Variants in ARL6IP6 observed in about 807,000 individuals in gnomAD.
ARL6IP6 encodes the protein ADP-ribosylation factor-like protein 6-interacting protein 6.
In ARL6IP6, 22 loss-of-function variants were observed where a neutral mutation model predicts 21.5. The observed-to-expected ratio is 1.02, with a 90% CI of 0.73 to 1.46. The LOEUF is 1.46. ARL6IP6 is among the 40% of genes most tolerant of loss of function. The pLI is 0.00. For missense variants in ARL6IP6, 388 were observed against 299.8 expected (o/e 1.29, Z -2.17); for synonymous variants, 164 against 125.3 (o/e 1.31, Z -2.06).
chr2:152,720,712 A>T (rs1352625689), intron 2 of ARL6IP6, 126 bp downstream of exon 2: 1 of 831,568 alleles, frequency 1.2e-6, no homozygotes, highest in African/African-American at 1.7e-5. Context: ...TCTTGTTTTT[A>T]ATTTGCATAT....
upstream of ARL6IP6, chr2:152,717,808 C>T (rs1198750981): frequency 8.7e-6 from 10 of 1,150,690 alleles, no homozygotes; most frequent in Non-Finnish European, 1.1e-5. Context: ...CCTCCCCGCC[C>T]GAGTTACGTA....
At position 152,734,994 on chromosome 2, in the gene ARL6IP6, G is replaced by C; in HGVS notation, c.455G>C (p.Gly152Ala). The change falls in exon 3 of 4, where the codon GGA becomes GCA. Residue 152 changes from glycine (G) to alanine (A), a missense_variant and splice_region_variant. Transcript: ENST00000326446. Reference sequence around the variant, plus strand: ...TTTTCCCCTCTCTTTTCCTGTTAAGGATTCTGGACTCTACTTATAATATCC... The same window carrying C: ...TTTTCCCCTCTCTTTTCCTGTTAAGCATTCTGGACTCTACTTATAATATCC... The part of the protein sequence containing the change: ...NEDDVDTGLL[G>A]FWTLLIISLT... 6.2e-7 allele frequency: 1 copy of C among 1,611,908 alleles called. No individual in the cohort carries two copies. Among genetic ancestry groups the C allele is most frequent in the East Asian group, 2.2e-5 (1 of 44,806 alleles).
chr2:152,747,666 G>T (rs954822832), intron 3 of ARL6IP6, among the ~76,000 whole-genome samples: 1 of 151,328 alleles, frequency 6.6e-6, no homozygotes, highest in Non-Finnish European at 1.5e-5. Context: ...ACCTCCACCC[G>T]CTGGGTTCAA....
chr2:152,721,286 A>G (rs1025413115), intron 2 of ARL6IP6, among the ~76,000 whole-genome samples: 3 of 152,180 alleles, frequency 2.0e-5, no homozygotes, highest in African/African-American at 7.2e-5. Flanking sequence ...CTATCCTAGC[A>G]AAGGTAAATA....
intron 3 of ARL6IP6, among the ~76,000 whole-genome samples, chr2:152,751,707 A>C (rs1424135318): frequency 1.3e-5 from 2 of 149,314 alleles, no homozygotes; most frequent in East Asian, 3.9e-4. Flanking sequence ...ACAGTATTTC[A>C]TTTTTTTTTA....
chr2:152,747,488 C>G (rs1383947703), intron 3 of ARL6IP6, among the ~76,000 whole-genome samples: 2 of 152,160 alleles, frequency 1.3e-5, no homozygotes, highest in African/African-American at 4.8e-5. Flanking sequence ...TCCAGTAATA[C>G]TGCCTGCAAA....
chr2:152,728,410 T>C (rs1700144626), intron 2 of ARL6IP6, among the ~76,000 whole-genome samples: 1 of 152,204 alleles, frequency 6.6e-6, no homozygotes, highest in Non-Finnish European at 1.5e-5. Context: ...ATTCTGATTA[T>C]ATATAATATG....
rs891877672 is a variant in ARL6IP6 at position 152,760,946 on chromosome 2, T to G, written c.*1106T>G. ...TTTTGTTTTCTAAGTAATTAAGCCT[T>G]AATTTTTCCCCTATGTTACTAAAGA... On this transcript the variant is annotated 3_prime_UTR_variant, in exon 4 of 4. Transcript: ENST00000326446. The G allele has an allele frequency of 2.0e-5, 3 of 152,192 alleles. No individual in the cohort carries two copies. The highest frequency in any genetic ancestry group is 7.2e-5 in the African/African-American group (3 of 41,450). 9.4% of individuals were successfully genotyped at this position (152,192 alleles called of 1,614,324 possible). A position where few individuals can be genotyped will look rare whatever the true frequency, so the allele number is the denominator to read the frequency against.
At chr2:152,759,699 A>G (rs1490304927) in intron 3 of ARL6IP6, 48 bp from the exon 4 acceptor site, 3 of 1,479,644 alleles carry the variant, frequency 2.0e-6, no homozygotes, top group Non-Finnish European at 2.8e-6. Flanking sequence ...TCTTTGTTAT[A>G]CCACGTTACA....
chr2:152,718,423 A>G (rs1348283546), upstream of ARL6IP6: 5 of 655,066 alleles, frequency 7.6e-6, no homozygotes, highest in African/African-American at 1.9e-5. Flanking sequence ...CCTGGGGTCG[A>G]GCTCTGGTCG....
chr2:152,727,586 C>T (rs554412352), intron 2 of ARL6IP6, among the ~76,000 whole-genome samples: 71 of 152,184 alleles, frequency 4.7e-4, no homozygotes, highest in African/African-American at 1.7e-3. Context: ...TTGTAAGTAC[C>T]CTATACAGGT....
At chr2:152,754,713 C>A (rs933476139) in intron 3 of ARL6IP6, among the ~76,000 whole-genome samples, 8 of 152,164 alleles carry the variant, frequency 5.3e-5, no homozygotes, top group African/African-American at 1.7e-4. Flanking sequence ...TCCCCACATC[C>A]TCACCAACAC....
chr2:152,747,375 G>A (rs1417183254), intron 3 of ARL6IP6, among the ~76,000 whole-genome samples: 1 of 151,956 alleles, frequency 6.6e-6, no homozygotes, highest in African/African-American at 2.4e-5. Flanking sequence ...CATACTGTTA[G>A]GTGTTTAGAA....
At chr2:152,757,360 A>G (rs1012086335) in intron 3 of ARL6IP6, among the ~76,000 whole-genome samples, 2 of 152,182 alleles carry the variant, frequency 1.3e-5, no homozygotes, top group Non-Finnish European at 2.9e-5. Context: ...AATGTTAGAC[A>G]TTTGCATTTT....
At chr2:152,739,536 C>G (rs183770213) in intron 3 of ARL6IP6, among the ~76,000 whole-genome samples, 1 of 152,152 alleles carries the variant, frequency 6.6e-6, no homozygotes, top group Non-Finnish European at 1.5e-5. Context: ...ATATCAAGAT[C>G]GGCATTTTGG....
intron 3 of ARL6IP6, among the ~76,000 whole-genome samples, chr2:152,746,349 G>A (rs938451174): frequency 1.3e-5 from 2 of 152,048 alleles, no homozygotes; most frequent in Non-Finnish European, 1.5e-5. Flanking sequence ...GCTATTTACA[G>A]TGTTATATAT....
At chr2:152,739,072 T>A (rs540421110) in intron 3 of ARL6IP6, among the ~76,000 whole-genome samples, 20 of 152,064 alleles carry the variant, frequency 1.3e-4, no homozygotes, top group African/African-American at 4.8e-4. Context: ...AAGCTCCGCC[T>A]CCTGGGTTCA....
At position 152,761,802 on chromosome 2, in the gene ARL6IP6, G is replaced by A. The variant is rs576798740; in HGVS notation, c.*1962G>A. Among the ~76,000 whole-genome samples the A allele has an allele frequency of 9.9e-5, 15 of 152,200 alleles. No homozygotes were observed. The highest frequency in any genetic ancestry group is 9.2e-4 in the Admixed American group (14 of 15,294). ...GGTGTGTAGTAGGCTATACCATCTA[G>A]GTTTGTGTAAGTATACTCTGATGTT... is the stretch of plus-strand genomic sequence containing the variant. On this transcript the variant is annotated 3_prime_UTR_variant, in exon 4 of 4. Coordinates refer to ENST00000326446, the MANE Select transcript of ARL6IP6 (RefSeq NM_152522.7).
chr2:152,751,230 A>G (rs1701315430), intron 3 of ARL6IP6, among the ~76,000 whole-genome samples: 1 of 152,194 alleles, frequency 6.6e-6, no homozygotes, highest in South Asian at 2.1e-4. Flanking sequence ...GACACATAAT[A>G]ATCATATTCA....
Sources: allele counts gnomAD v4.1 joint callset (sites outside exome capture counted in the v4.1 genomes callset), GRCh38; gene constraint gnomAD v4.1.1; transcripts MANE v1.5; gene names NCBI Gene and HGNC (gene_info 2026-07-23, HGNC 2026-07-21).